Variants in MVB12B observed in about 807,000 individuals in gnomAD.
MVB12B encodes multivesicular body subunit 12B.
MVB12B carries 16 observed loss-of-function variants against 41.6 expected under a neutral mutation model. The observed-to-expected ratio is 0.38, with a 90% confidence interval of 0.26 to 0.58. MVB12B has a LOEUF of 0.58. MVB12B is among the 20% of genes least tolerant of loss of function. The probability of loss-of-function intolerance (pLI) is 0.62; values close to 1 mark genes in which losing one functional copy is unlikely to be tolerated. For missense variants in MVB12B, 274 were observed against 380.2 expected (o/e 0.72, Z 2.32); for synonymous variants, 133 against 139.7 (o/e 0.95, Z 0.34).
chr9:126,399,822 G>T (rs1355300564), intron 6 of MVB12B, among the ~76,000 whole-genome samples: 1 of 152,232 alleles, frequency 6.6e-6, no homozygotes, highest in Non-Finnish European at 1.5e-5. Flanking sequence ...TGCAGATGAT[G>T]CAGAGTCATT....
chr9:126,333,362 G>T lies in MVB12B; in HGVS notation c.81+6352G>T, dbSNP rs1829181977. Among the ~76,000 whole-genome samples, 1 of 151,974 alleles carries T rather than the reference G, an allele frequency of 6.6e-6. No individual in the cohort carries two copies. Among genetic ancestry groups the T allele is most frequent in the Non-Finnish European group, 1.5e-5 (1 of 67,990 alleles). Reference sequence around the variant, plus strand: ...GGACTCCCAAGGTGCTGGGATTACAGGCGTGAGCCACTGCGCCTGGCCATG... The same window carrying T: ...GGACTCCCAAGGTGCTGGGATTACATGCGTGAGCCACTGCGCCTGGCCATG... On this transcript the variant is annotated intron_variant, in intron 1 of 9. Coordinates refer to ENST00000361171, the MANE Select transcript of MVB12B (RefSeq NM_033446.3). This position sits in a 1 kb window ranked among gnomAD's most constrained non-coding sequence, Gnocchi z 4.7.
At chr9:126,465,866 A>C (rs1424206012) in intron 7 of MVB12B, among the ~76,000 whole-genome samples, 1 of 152,118 alleles carries the variant, frequency 6.6e-6, no homozygotes, top group Non-Finnish European at 1.5e-5. Context: ...GAGGCTGTAT[A>C]AGTGTGTTTC....
chr9:126,412,486 G>A (rs1041636446), intron 6 of MVB12B, among the ~76,000 whole-genome samples: 1 of 152,152 alleles, frequency 6.6e-6, no homozygotes, highest in African/African-American at 2.4e-5. Context: ...AAAACAAGGT[G>A]TCCCTTCAGC....
intron 7 of MVB12B, among the ~76,000 whole-genome samples, chr9:126,454,687 T>C (rs1200234073): frequency 6.6e-6 from 1 of 152,242 alleles, no homozygotes; most frequent in Non-Finnish European, 1.5e-5. Flanking sequence ...AGTGAATGTT[T>C]TCCTCTTCTT....
intron 6 of MVB12B, among the ~76,000 whole-genome samples, chr9:126,416,298 T>C (rs1478958004): frequency 2.0e-5 from 3 of 152,212 alleles, no homozygotes; most frequent in Non-Finnish European, 4.4e-5. Context: ...ATGGTGGCCC[T>C]CTGTGCCCTG....
chr9:126,479,029 T>C (rs1833472481), intron 7 of MVB12B, among the ~76,000 whole-genome samples: 1 of 152,170 alleles, frequency 6.6e-6, no homozygotes, highest in South Asian at 2.1e-4. Context: ...GAGAGGACTC[T>C]GCTGTGGACC....
intron 6 of MVB12B, among the ~76,000 whole-genome samples, chr9:126,418,747 G>A (rs1016224215): frequency 2.6e-5 from 4 of 151,978 alleles, no homozygotes; most frequent in African/African-American, 7.3e-5. Flanking sequence ...ACGGAGCCTC[G>A]AGTGCTCACC....
intron 2 of MVB12B, among the ~76,000 whole-genome samples, chr9:126,366,805 G>T (rs541713738): frequency 6.6e-6 from 1 of 152,056 alleles, no homozygotes; most frequent in Non-Finnish European, 1.5e-5. Flanking sequence ...GCCAGGCGCC[G>T]AGCTTCTGAC....
intron 7 of MVB12B, among the ~76,000 whole-genome samples, chr9:126,456,230 T>C (rs1372569634): frequency 6.6e-6 from 1 of 152,142 alleles, no homozygotes; most frequent in Non-Finnish European, 1.5e-5. Context: ...ATACAGTAAT[T>C]AGACCTTAAA....
chr9:126,357,499 C>T (rs557018715), intron 2 of MVB12B, among the ~76,000 whole-genome samples: 1 of 152,280 alleles, frequency 6.6e-6, no homozygotes, highest in African/African-American at 2.4e-5. Flanking sequence ...CTTCCACATC[C>T]TTGCCAACAC....
At chr9:126,418,756 C>T (rs993769215) in intron 6 of MVB12B, among the ~76,000 whole-genome samples, 24 of 152,132 alleles carry the variant, frequency 1.6e-4, no homozygotes, top group African/African-American at 5.3e-4. Context: ...CGAGTGCTCA[C>T]CCCTCCTCCC....
At chr9:126,332,076 G>T (rs1445454648) in intron 1 of MVB12B, among the ~76,000 whole-genome samples, 1 of 152,078 alleles carries the variant, frequency 6.6e-6, no homozygotes, top group Non-Finnish European at 1.5e-5. Context: ...GAGCCCATCT[G>T]CTCCTTGCAG....
Position 126,364,514 on chromosome 9 carries a change from C to T in MVB12B, c.205-16550C>T, listed in dbSNP as rs188090206. On this transcript the variant is annotated intron_variant, in intron 2 of 9. Coordinates refer to ENST00000361171, the MANE Select transcript of MVB12B (RefSeq NM_033446.3). ...CCAGCACCATGGGTAGGAGTGTGCA[C>T]GGGGCTGCTGAAATGCTGGCTGGAT... is the stretch of plus-strand genomic sequence containing the variant. 5.9e-5 allele frequency among the ~76,000 whole-genome samples: 9 copies of T among 152,286 alleles called. No homozygotes were observed. The East Asian group carries it at 7.7e-4, about 13-fold the overall frequency.
At chr9:126,347,646 A>G (rs1002988454) in intron 2 of MVB12B, among the ~76,000 whole-genome samples, 3 of 152,220 alleles carry the variant, frequency 2.0e-5, no homozygotes, top group African/African-American at 7.2e-5. Flanking sequence ...TCTTTTACTT[A>G]CTAAAGTAAG....
rs1484432721 is a variant in MVB12B, at chr9:126,478,725, T to G, written c.758-2644T>G. 6.6e-6 allele frequency among the ~76,000 whole-genome samples: 1 copy of G among 151,986 alleles called. No individual in the cohort carries two copies. Among genetic ancestry groups the G allele is most frequent in the Admixed American group, 6.6e-5 (1 of 15,260 alleles). On this transcript the variant is annotated intron_variant, in intron 7 of 9. Transcript: ENST00000361171. This position sits in a 1 kb window ranked among gnomAD's most constrained non-coding sequence, Gnocchi z 4.2. ...CTGACAGCCTCTGACTAGGGAGGCCTCCCATGGGAGGAGCCCCCTTCCTCT... is the reference window on the plus strand; with the variant it reads ...CTGACAGCCTCTGACTAGGGAGGCCGCCCATGGGAGGAGCCCCCTTCCTCT...
In MVB12B at chr9:126,394,029, C is replaced by T. The variant is rs866488985; in HGVS notation, c.540-1546C>T. ...GTACCACAGAAATGCAGAGTTTCAC[C>T]TCGGTGGGTGTTCAGCTCTGGCATC... is the stretch of plus-strand genomic sequence containing the variant. On this transcript the variant is annotated intron_variant, in intron 5 of 9. Coordinates refer to ENST00000361171, the MANE Select transcript of MVB12B (RefSeq NM_033446.3). Among the ~76,000 whole-genome samples, 6 of 152,222 alleles carry T rather than the reference C, an allele frequency of 3.9e-5. No homozygotes were observed. The South Asian group carries it at 6.2e-4, about 16-fold the overall frequency.
Position 126,468,390 on chromosome 9 carries a change from A to T in MVB12B, c.758-12979A>T, listed in dbSNP as rs1398722401. 6.6e-6 allele frequency among the ~76,000 whole-genome samples: 1 copy of T among 151,650 alleles called. No individual in the cohort carries two copies. Among genetic ancestry groups the T allele is most frequent in the Non-Finnish European group, 1.5e-5 (1 of 67,902 alleles). Reference sequence around the variant, plus strand: ...CTTGGCTGTGGCCCAAGCCCCTCAAACCAGACACATGCTCAGCGGGACCCA... The same window carrying T: ...CTTGGCTGTGGCCCAAGCCCCTCAATCCAGACACATGCTCAGCGGGACCCA... On this transcript the variant is annotated intron_variant, in intron 7 of 9. Coordinates refer to ENST00000361171, the MANE Select transcript of MVB12B (RefSeq NM_033446.3). This position sits in a 1 kb window ranked among gnomAD's most constrained non-coding sequence, Gnocchi z 4.3.
chr9:126,366,672 C>T (rs370323492), intron 2 of MVB12B, among the ~76,000 whole-genome samples: 8 of 152,182 alleles, frequency 5.3e-5, no homozygotes, highest in East Asian at 3.9e-4. Flanking sequence ...ATTTCAGCTG[C>T]ATTCAGCTTT....
chr9:126,425,281 C>A (rs977683281), intron 7 of MVB12B, among the ~76,000 whole-genome samples: 3 of 152,042 alleles, frequency 2.0e-5, no homozygotes, highest in Admixed American at 1.3e-4. Context: ...GATCTTGTCT[C>A]TTTAAAAAAA....
Sources: allele counts gnomAD v4.1 joint callset (sites outside exome capture counted in the v4.1 genomes callset), GRCh38; gene constraint gnomAD v4.1.1; non-coding constraint Gnocchi (gnomAD v3.1); transcripts MANE v1.5; gene names NCBI Gene and HGNC (gene_info 2026-07-23, HGNC 2026-07-21).